The following C17orf75 variants were observed in gnomAD, a reference collection of about 807,000 sequenced individuals.
The protein encoded by C17orf75 is chromosome 17 open reading frame 75, also known as protein Njmu-R1.
A neutral mutation model predicts 49.6 loss-of-function variants in C17orf75; 32 were observed. The ratio of observed to expected loss-of-function variants is 0.65; its 90% CI spans 0.49 to 0.87. C17orf75 has a LOEUF of 0.87. C17orf75 is among the 40% of genes least tolerant of loss of function. The pLI, the probability that C17orf75 is intolerant of heterozygous loss-of-function variation, is 0.00. For synonymous variants in C17orf75, 158 were observed against 159.5 expected, an observed-to-expected ratio of 0.99 and a Z score of 0.07; for missense variants, 428 against 473.9, an observed-to-expected ratio of 0.90 and a Z score of 0.90.
intron 1 of C17orf75, chr17:32,349,918 C>G: frequency 9.4e-7 from 1 of 1,068,196 alleles, no homozygotes; most frequent in Non-Finnish European, 1.1e-6. Flanking sequence ...TTTCTGTTTT[C>G]CATTCGCATG....
rs1481769278 is a variant in C17orf75, at chr17:32,331,560, T to C, written c.*203A>G. On this transcript the variant is annotated 3_prime_UTR_variant, in exon 10 of 10. Transcript: ENST00000577809. ...CAGTGAGACACTAAAATTTCACAACTCTCACATACATTATCTATCTAGGAC... is the reference window on the plus strand; with the variant it reads ...CAGTGAGACACTAAAATTTCACAACCCTCACATACATTATCTATCTAGGAC... 2.1e-6 allele frequency: 1 copy of C among 483,674 alleles called. No individual in the cohort carries two copies. Among genetic ancestry groups the C allele is most frequent in the African/African-American group, 1.9e-5 (1 of 51,502 alleles). 30.0% of individuals were successfully genotyped at this position (483,674 alleles called of 1,614,324 possible).
At chr17:32,349,352 C>T (rs1293420377) in intron 1 of C17orf75, among the ~76,000 whole-genome samples, 3 of 151,490 alleles carry the variant, frequency 2.0e-5, no homozygotes, top group African/African-American at 7.3e-5. Flanking sequence ...GAGGCCGAGG[C>T]GGGCGGATCA....
upstream of C17orf75, among the ~76,000 whole-genome samples, chr17:32,344,943 G>T (rs1474992086): frequency 6.6e-6 from 1 of 151,842 alleles, no homozygotes; most frequent in Non-Finnish European, 1.5e-5. Flanking sequence ...AGAAAGAAAG[G>T]AAGTAATAGA....
intron 1 of C17orf75, among the ~76,000 whole-genome samples, chr17:32,348,379 G>C: frequency 6.6e-6 from 1 of 152,032 alleles, no homozygotes. Context: ...TTTGTGTTTT[G>C]GGGCAAATTA....
At chr17:32,339,721 G>T in intron 3 of C17orf75, 92 bp downstream of exon 3, 1 of 1,517,802 alleles carries the variant, frequency 6.6e-7, no homozygotes. Flanking sequence ...AATTCTGCAG[G>T]TCTAGTAGGA....
intron 2 of C17orf75, 65 bp downstream of exon 2, chr17:32,341,139 T>A: frequency 6.6e-7 from 1 of 1,522,538 alleles, no homozygotes; most frequent in Non-Finnish European, 9.1e-7. Context: ...TCCACTGACA[T>A]GTACAGGCCA....
chr17:32,341,339 G>GT (rs1280852011), intron 1 of C17orf75, 55 bp from the exon 2 acceptor site: 13 of 1,578,628 alleles, frequency 8.2e-6, no homozygotes, highest in Non-Finnish European at 1.1e-5. Flanking sequence ...ACCAAGAGGA[G>GT]TATGGGGGCC....
At position 32,337,929 on chromosome 17, in the gene C17orf75, T is replaced by C. The variant is rs779321918; in HGVS notation, c.517A>G (p.Ile173Val). 21 of 1,605,876 alleles carry C rather than the reference T, an allele frequency of 1.3e-5. No homozygotes were observed. The highest frequency in any genetic ancestry group is 1.6e-5 in the Non-Finnish European group (19 of 1,175,474). Residue 173 changes from isoleucine to valine, a missense_variant, in exon 5 of 10, where the codon ATT (isoleucine) becomes GTT (valine). Physicochemically the swap from Ile to Val is conservative, Grantham distance 29 (BLOSUM62 3). Coordinates refer to ENST00000577809, the MANE Select transcript of C17orf75 (RefSeq NM_022344.4). ...ELFRLELDKY[I>V]QGLKNNMNCE... ...TTCATGTTATTTTTCAGCCCTTGAA[T>C]GTACTTGTCCAATTCAAGCCTGAAA... is the stretch of plus-strand genomic sequence containing the variant.
At position 32,342,029 on chromosome 17, in the gene C17orf75, G is replaced by C; in HGVS notation, c.111C>G (p.His37Gln). 1 of 1,545,476 alleles carries C rather than the reference G, an allele frequency of 6.5e-7. No individual in the cohort carries two copies. The highest frequency in any genetic ancestry group is 1.2e-5 in the South Asian group (1 of 83,638). ...TTCCGCGATAGCTGTAAAGACAGTA[G>C]TGGCTGCTGGACGGCGGCTCGAGTC... ...ERRLEPPSSS[H>Q]YCLYSYRGSR... Residue 37 changes from histidine to glutamine, a missense_variant, in exon 1 of 10, where the codon CAC (histidine) becomes CAG (glutamine). By Grantham distance (24) the His-to-Gln change is conservative. Coordinates refer to ENST00000577809, the MANE Select transcript of C17orf75 (RefSeq NM_022344.4).
At position 32,331,747 on chromosome 17, in the gene C17orf75, A is replaced by T. The variant is rs376413444; in HGVS notation, c.*16T>A. 21 of 1,571,230 alleles carry T rather than the reference A, an allele frequency of 1.3e-5. No homozygotes were observed. Among genetic ancestry groups the T allele is most frequent in the South Asian group, 2.2e-5 (2 of 90,118 alleles). ...AAATATACAACTTGATCATACAATT[A>T]TCTCAAAACATATGATCAAAAACTT... On this transcript the variant is annotated 3_prime_UTR_variant, in exon 10 of 10. Transcript: ENST00000577809.
At chr17:32,334,045 A>G in intron 8 of C17orf75, among the ~76,000 whole-genome samples, 1 of 152,226 alleles carries the variant, frequency 6.6e-6, no homozygotes, top group Middle Eastern at 3.4e-3. Context: ...TTTTATGGCT[A>G]TTTCACTAAA....
upstream of C17orf75, among the ~76,000 whole-genome samples, chr17:32,344,738 C>A (rs1192763321): frequency 1.3e-5 from 2 of 152,038 alleles, no homozygotes; most frequent in East Asian, 3.9e-4. Context: ...GAAATCCCAT[C>A]TCTACTGAAA....
At chr17:32,344,385 A>C (rs900985634), upstream of C17orf75, among the ~76,000 whole-genome samples, 1 of 152,072 alleles carries the variant, frequency 6.6e-6, no homozygotes, top group Non-Finnish European at 1.5e-5. Flanking sequence ...TGGGAGGCCG[A>C]GGCAGGCGGA....
chr17:32,334,797 T>A lies in C17orf75; in HGVS notation c.712A>T (p.Lys238Ter). The stretch of plus-strand genomic sequence containing the variant: ...TACCTGTTAATGTCTCTCTTTGTTT[T>A]TTCATCTGATTCTTTAACTTCAACA... The part of the protein sequence containing the change: ...TPVEVKESDE[K>*]TKRDINRFLS... Residue 238 changes from lysine to a stop codon, truncating the protein, a stop_gained, in exon 7 of 10, where the codon AAA (lysine) becomes TAA (stop). Coordinates refer to ENST00000577809, the MANE Select transcript of C17orf75 (RefSeq NM_022344.4). LOFTEE classifies it high-confidence loss of function. 1 of 1,608,502 alleles carries A rather than the reference T, an allele frequency of 6.2e-7. No individual in the cohort carries two copies. The highest frequency in any genetic ancestry group is 8.5e-7 in the Non-Finnish European group (1 of 1,177,026).
At chr17:32,345,657 C>G (rs1486135550), upstream of C17orf75, among the ~76,000 whole-genome samples, 1 of 152,014 alleles carries the variant, frequency 6.6e-6, no homozygotes, top group Non-Finnish European at 1.5e-5. Flanking sequence ...TGGTGAAACC[C>G]TGTCTCTACT....
upstream of C17orf75, chr17:32,342,246 T>C: frequency 7.3e-7 from 1 of 1,368,876 alleles, no homozygotes; most frequent in Non-Finnish European, 9.5e-7. Flanking sequence ...CACACCTGCG[T>C]TCCGCTGGTT....
At position 32,335,459 on chromosome 17, in the gene C17orf75, C is replaced by T. The variant is rs200232042; in HGVS notation, c.550-17G>A. The stretch of plus-strand genomic sequence containing the variant: ...GCCCCTTGCCTAAATCAAGAAAGAA[C>T]ATCATTTGCTTTAATATAAGCCTTT... On this transcript the variant is annotated splice_polypyrimidine_tract_variant and intron_variant, in intron 5 of 9. Transcript: ENST00000577809. 2.2e-5 allele frequency: 35 copies of T among 1,611,336 alleles called. No homozygotes were observed. Among genetic ancestry groups the T allele is most frequent in the East Asian group, 2.2e-5 (1 of 44,870 alleles).
upstream of C17orf75, chr17:32,343,951 T>G (rs2041404919): frequency 2.9e-6 from 2 of 684,328 alleles, no homozygotes; most frequent in Non-Finnish European, 5.4e-6. Flanking sequence ...GGCAGCCATC[T>G]CCTAGAAACA....
chr17:32,337,938 C>A lies in C17orf75; in HGVS notation c.508G>T (p.Asp170Tyr). ...KGLELFRLEL[D>Y]KYIQGLKNNM... ...TTTTTCAGCCCTTGAATGTACTTGT[C>A]CAATTCAAGCCTGAAAGTATGTTCT... is the stretch of plus-strand genomic sequence containing the variant. Residue 170 changes from aspartate (D) to tyrosine (Y), a missense_variant, in exon 5 of 10, where the codon GAC becomes TAC. Coordinates refer to ENST00000577809, the MANE Select transcript of C17orf75 (RefSeq NM_022344.4). The A allele has an allele frequency of 6.2e-7, 1 of 1,603,820 alleles. No individual in the cohort carries two copies. Among genetic ancestry groups the A allele is most frequent in the South Asian group, 1.1e-5 (1 of 89,618 alleles).
Sources: gnomAD v4.1 joint callset for allele counts (sites outside exome capture counted in the v4.1 genomes callset) on GRCh38, gnomAD v4.1.1 for gene constraint, MANE v1.5 for transcripts, NCBI Gene and HGNC (gene_info 2026-07-23, HGNC 2026-07-21) for gene names.